TUSC3: variants seen among roughly 807,000 people sequenced by gnomAD.
TUSC3 encodes the protein dolichyl-diphosphooligosaccharide--protein glycosyltransferase subunit TUSC3.
Under a neutral mutation model 44.8 loss-of-function variants are expected in TUSC3, and 45 were observed. That is an observed-to-expected ratio of 1.00 (90% CI 0.79 to 1.29). The LOEUF (loss-of-function observed/expected upper bound fraction) is 1.29. TUSC3 is among the 50% of genes most tolerant of loss of function. TUSC3 has a pLI of 0.00. For synonymous variants in TUSC3, 212 were observed against 152.9 expected, an observed-to-expected ratio of 1.39 and a Z score of -2.85; for missense variants, 519 against 437.9, an observed-to-expected ratio of 1.19 and a Z score of -1.65.
At chr8:15,497,798 G>T (rs1279204938) in intron 2 of TUSC3, among the ~76,000 whole-genome samples, 1 of 151,248 alleles carries the variant, frequency 6.6e-6, no homozygotes, top group African/African-American at 2.4e-5. Flanking sequence ...AGGCTGGAGT[G>T]CAATGGTGTG....
intron 6 of TUSC3, among the ~76,000 whole-genome samples, chr8:15,695,855 A>C (rs1055468203): frequency 1.8e-4 from 28 of 152,168 alleles, no homozygotes; most frequent in Admixed American, 6.5e-5. Flanking sequence ...TGAACTCAAG[A>C]GAGATGATTT....
chr8:15,846,114 G>A, the TUSC3 span, among the ~76,000 whole-genome samples: 1 of 152,148 alleles, frequency 6.6e-6, no homozygotes, highest in East Asian at 1.9e-4. Flanking sequence ...ACCTCCCCCT[G>A]AGTCCCTCCC....
intron 1 of TUSC3, among the ~76,000 whole-genome samples, chr8:15,433,534 C>G (rs1799904332): frequency 6.6e-6 from 1 of 151,948 alleles, no homozygotes; most frequent in African/African-American, 2.4e-5. Flanking sequence ...AAATAGCTCC[C>G]CACTCCCCCA....
the TUSC3 span, among the ~76,000 whole-genome samples, chr8:15,772,765 A>G: frequency 1.3e-5 from 2 of 152,216 alleles, no homozygotes; most frequent in African/African-American, 4.8e-5. Flanking sequence ...AAATACTAGC[A>G]AACAATCCAG....
chr8:15,764,438 T>C lies in TUSC3; in HGVS notation c.*282T>C, dbSNP rs1563213039. ...ATCAAAGTGTTTTTCAAGCCTGTTA[T>C]ATTCAGTGTGTGCCACAGGATTGAA... On this transcript the variant is annotated 3_prime_UTR_variant, in exon 11 of 11. Coordinates refer to ENST00000503731, the MANE Select transcript of TUSC3 (RefSeq NM_006765.4). The C allele has an allele frequency of 2.6e-5, 13 of 498,966 alleles. 1 individual carries two copies. Among genetic ancestry groups the C allele is most frequent in the South Asian group, 1.1e-4 (5 of 44,658 alleles). 30.9% of individuals were successfully genotyped at this position (498,966 alleles called of 1,614,324 possible). A position where few individuals can be genotyped will look rare whatever the true frequency, so the allele number is the denominator to read the frequency against.
intron 1 of TUSC3, among the ~76,000 whole-genome samples, chr8:15,581,834 G>A (rs1405871950): frequency 1.6e-5 from 2 of 123,748 alleles, no homozygotes; most frequent in African/African-American, 3.7e-5. Context: ...CTTGAGCTGT[G>A]GTGGGCTCCA....
intron 2 of TUSC3, among the ~76,000 whole-genome samples, chr8:15,635,997 C>T (rs542461859): frequency 6.6e-6 from 1 of 152,292 alleles, no homozygotes; most frequent in South Asian, 2.1e-4. Context: ...ATCTCTTAGT[C>T]TGTAGTCTTC....
chr8:15,448,748 T>C (rs926946495), intron 1 of TUSC3, among the ~76,000 whole-genome samples: 1 of 152,148 alleles, frequency 6.6e-6, no homozygotes, highest in African/African-American at 2.4e-5. Context: ...CAAAAAGATA[T>C]TTATGCATTG....
At chr8:15,760,382 A>T (rs978494350) in intron 10 of TUSC3, among the ~76,000 whole-genome samples, 2 of 152,192 alleles carry the variant, frequency 1.3e-5, no homozygotes. Context: ...ACTACATTCT[A>T]CAATATATAT....
chr8:15,698,040 A>C (rs1182853288), intron 6 of TUSC3, among the ~76,000 whole-genome samples: 1 of 152,168 alleles, frequency 6.6e-6, no homozygotes, highest in African/African-American at 2.4e-5. Flanking sequence ...CACCATACAA[A>C]TTTAAAAACA....
intron 1 of TUSC3, among the ~76,000 whole-genome samples, chr8:15,621,602 T>A (rs1250033926): frequency 6.8e-6 from 1 of 148,004 alleles, no homozygotes. Context: ...TGGATTTATA[T>A]ATATAAATTA....
At chr8:15,758,021 C>G in intron 10 of TUSC3, 166 bp downstream of exon 10, 11 of 1,422,244 alleles carry the variant, frequency 7.7e-6, no homozygotes, top group South Asian at 1.6e-5. Context: ...TTATGTTTAT[C>G]TGCCACAGGG....
intron 1 of TUSC3, among the ~76,000 whole-genome samples, chr8:15,446,696 C>G (rs547085876): frequency 2.6e-5 from 3 of 116,340 alleles, no homozygotes; most frequent in Middle Eastern, 6.0e-3. Flanking sequence ...AGCCTCGGCT[C>G]GGCATCAGAG....
At chr8:15,748,975 A>G in intron 9 of TUSC3, 1 of 346,320 alleles carries the variant, frequency 2.9e-6, no homozygotes, top group Non-Finnish European at 5.6e-6. Context: ...CAACAAATAT[A>G]TTGAAAATTC....
rs368838626 is a variant in TUSC3 at position 15,548,752 on chromosome 8, T to C, written c.138+8184T>C. 1.5e-4 allele frequency among the ~76,000 whole-genome samples: 23 copies of C among 152,022 alleles called. No homozygotes were observed. The East Asian group carries it at 3.5e-3, about 23-fold the overall frequency. Reference sequence around the variant, plus strand: ...GAATTAAGCATTTTGCCCATGACTGTACAACTTGTATGTTTACAGTTTTAC... The same window carrying C: ...GAATTAAGCATTTTGCCCATGACTGCACAACTTGTATGTTTACAGTTTTAC... On this transcript the variant is annotated intron_variant, in intron 1 of 10. Coordinates refer to ENST00000503731, the MANE Select transcript of TUSC3 (RefSeq NM_006765.4).
chr8:15,806,294 C>T, the TUSC3 span: 2 of 677,866 alleles, frequency 3.0e-6, no homozygotes, highest in African/African-American at 3.5e-5. Flanking sequence ...CTAATGTGTA[C>T]ACCACATGGA....
At chr8:15,747,240 A>G (rs893175966) in intron 8 of TUSC3, among the ~76,000 whole-genome samples, 1 of 152,064 alleles carries the variant, frequency 6.6e-6, no homozygotes, top group Non-Finnish European at 1.5e-5. Flanking sequence ...GTTCCTTATT[A>G]TAGAATCATA....
upstream of TUSC3, among the ~76,000 whole-genome samples, chr8:15,540,016 G>A (rs1333371135): frequency 2.0e-5 from 3 of 152,184 alleles, no homozygotes; most frequent in East Asian, 3.9e-4. Context: ...AGGCATTCAG[G>A]TCTTTCTGTG....
chr8:15,780,102 TAGG>T, the TUSC3 span, among the ~76,000 whole-genome samples: 1 of 152,172 alleles, frequency 6.6e-6, no homozygotes, highest in Non-Finnish European at 1.5e-5. Flanking sequence ...CATGGTAAAA[TAGG>T]AGGCTCCTGA....
Sources: allele counts gnomAD v4.1 joint callset (sites outside exome capture counted in the v4.1 genomes callset), GRCh38; gene constraint gnomAD v4.1.1; transcripts MANE v1.5; gene names NCBI Gene and HGNC (gene_info 2026-07-23, HGNC 2026-07-21).